The following STMN2 variants were observed in gnomAD, a reference collection of about 807,000 sequenced individuals.
STMN2 encodes the protein stathmin-2.
STMN2 carries 2 observed loss-of-function variants against 24.1 expected under a neutral mutation model. The observed-to-expected ratio is 0.08, with a 90% CI of 0.03 to 0.26. STMN2 has a LOEUF of 0.26. STMN2 is among the 10% of genes least tolerant of loss of function. The pLI is 1.00. For synonymous variants in STMN2, 83 were observed against 77.5 expected, an observed-to-expected ratio of 1.07 and a Z score of -0.37; for missense variants, 114 against 213.6, an observed-to-expected ratio of 0.53 and a Z score of 2.91.
chr8:79,615,464 G>C (rs1291210957), intron 1 of STMN2, among the ~76,000 whole-genome samples: 1 of 152,120 alleles, frequency 6.6e-6, no homozygotes, highest in Admixed American at 6.5e-5. Flanking sequence ...GTTGTCACAA[G>C]ATCTGTGACC....
chr8:79,662,523 C>A (rs549478544), intron 4 of STMN2, among the ~76,000 whole-genome samples: 1 of 152,024 alleles, frequency 6.6e-6, no homozygotes, highest in Non-Finnish European at 1.5e-5. Context: ...TATAAAGTCA[C>A]ATTAACAGTT....
intron 3 of STMN2, among the ~76,000 whole-genome samples, chr8:79,650,758 C>T (rs998780724): frequency 3.3e-5 from 5 of 152,040 alleles, no homozygotes; most frequent in Non-Finnish European, 7.4e-5. Context: ...TGGTTATTAG[C>T]GCCCCTGAAT....
intron 1 of STMN2, among the ~76,000 whole-genome samples, chr8:79,636,515 T>G (rs879262104): frequency 6.6e-6 from 1 of 152,186 alleles, no homozygotes; most frequent in South Asian, 2.1e-4. Context: ...CCTCCTATCC[T>G]GCTAGATCTT....
intron 3 of STMN2, 142 bp from the exon 4 acceptor site, chr8:79,654,729 C>A (rs542410740): frequency 6.2e-5 from 55 of 885,790 alleles, no homozygotes; most frequent in East Asian, 8.0e-5. Flanking sequence ...CTAAGCCATG[C>A]AGATGAGTAC....
chr8:79,632,818 C>T (rs2130337871), intron 1 of STMN2, among the ~76,000 whole-genome samples: 1 of 152,258 alleles, frequency 6.6e-6, no homozygotes, highest in South Asian at 2.1e-4. Flanking sequence ...TATGATACTG[C>T]ACTATCAATT....
At chr8:79,636,751 A>G (rs1267787541) in intron 1 of STMN2, 51 bp from the exon 2 acceptor site, 1 of 1,528,250 alleles carries the variant, frequency 6.5e-7, no homozygotes, top group Non-Finnish European at 9.0e-7. Context: ...GAAGCAGTAA[A>G]GAGAAATTCA....
intron 1 of STMN2, among the ~76,000 whole-genome samples, chr8:79,612,376 C>G (rs757611531): frequency 5.9e-5 from 9 of 152,114 alleles, no homozygotes; most frequent in Non-Finnish European, 8.8e-5. Context: ...TGATCGTTTG[C>G]GGGAAAAGCT....
chr8:79,626,966 C>T (rs1779064958), intron 1 of STMN2, among the ~76,000 whole-genome samples: 2 of 152,046 alleles, frequency 1.3e-5, no homozygotes, highest in Admixed American at 1.3e-4. Context: ...TGAAGGAAAC[C>T]ATTAAGTTTG....
At chr8:79,659,946 C>T (rs1806467873) in intron 4 of STMN2, among the ~76,000 whole-genome samples, 1 of 152,182 alleles carries the variant, frequency 6.6e-6, no homozygotes, top group Non-Finnish European at 1.5e-5. Context: ...AAATACTTCA[C>T]TTTCTCACGT....
Position 79,636,870 on chromosome 8 carries a change from C to G in STMN2, c.88C>G (p.Arg30Gly). The G allele has an allele frequency of 6.2e-7, 1 of 1,613,802 alleles. No individual in the cohort carries two copies. The highest frequency in any genetic ancestry group is 8.5e-7 in the Non-Finnish European group (1 of 1,179,766). ...CTGCTCTTGCTTTTACCCGGAACCTCGCAACATCAACATCTATACTTACGA... is the reference window on the plus strand; with the variant it reads ...CTGCTCTTGCTTTTACCCGGAACCTGGCAACATCAACATCTATACTTACGA... ...LICSCFYPEPRNINIYTYDDM... is the reference protein window; with the variant it reads ...LICSCFYPEPGNINIYTYDDM... The change falls in exon 2 of 5, where the codon CGC becomes GGC. Residue 30 changes from arginine (R) to glycine (G), a missense_variant. Coordinates refer to ENST00000220876, the MANE Select transcript of STMN2 (RefSeq NM_007029.4).
chr8:79,620,726 GA>G (rs1209557884), intron 1 of STMN2, among the ~76,000 whole-genome samples: 1 of 152,026 alleles, frequency 6.6e-6, no homozygotes, highest in Non-Finnish European at 1.5e-5. Flanking sequence ...CCAAAAGGCT[GA>G]AAAATTTAAA....
In STMN2 at chr8:79,636,729, T is replaced by C. The variant is rs368856350; in HGVS notation, c.20-73T>C. 2.9e-6 allele frequency: 4 copies of C among 1,369,388 alleles called. No individual in the cohort carries two copies. The African/African-American group carries it at 5.8e-5, about 20-fold the overall frequency. The allele number at this position is 1,369,388 out of a possible 1,614,324, so 84.8% of individuals were successfully genotyped here. A position where few individuals can be genotyped will look rare whatever the true frequency, so the allele number is the denominator to read the frequency against. On this transcript the variant is annotated intron_variant, in intron 1 of 4. Coordinates refer to ENST00000220876, the MANE Select transcript of STMN2 (RefSeq NM_007029.4). ...ACTCTGCAGGAGGCAATAATTATTA[T>C]TCAAATTAAAGGAAGCAGTAAAGAG... is the stretch of plus-strand genomic sequence containing the variant.
intron 1 of STMN2, among the ~76,000 whole-genome samples, chr8:79,632,894 C>T (rs189945255): frequency 7.2e-5 from 11 of 152,182 alleles, no homozygotes; most frequent in Middle Eastern, 3.4e-3. Context: ...CCACACAAGC[C>T]GGAAAAAATC....
chr8:79,623,583 TTGA>T (rs927815426), intron 1 of STMN2, among the ~76,000 whole-genome samples: 42 of 152,328 alleles, frequency 2.8e-4, no homozygotes, highest in African/African-American at 9.4e-4. Flanking sequence ...TTAGATACTG[TTGA>T]TGATAATCTG....
At chr8:79,611,293 T>A in intron 1 of STMN2, 79 bp downstream of exon 1, 1 of 1,565,110 alleles carries the variant, frequency 6.4e-7, no homozygotes, top group Non-Finnish European at 8.8e-7. Flanking sequence ...CTAGAAGCAT[T>A]CAGAGATATT....
intron 3 of STMN2, among the ~76,000 whole-genome samples, chr8:79,645,763 G>C (rs143737968): frequency 6.6e-6 from 1 of 152,110 alleles, no homozygotes; most frequent in Admixed American, 6.5e-5. Flanking sequence ...GTTCCTCACT[G>C]TGGGGAGGGG....
chr8:79,611,276 T>C, intron 1 of STMN2, 62 bp downstream of exon 1: 1 of 1,601,630 alleles, frequency 6.2e-7, no homozygotes. Context: ...ACCTCCTCTC[T>C]TGAGCTCTAG....
chr8:79,639,514 T>C (rs1238651397), intron 2 of STMN2, among the ~76,000 whole-genome samples: 3 of 152,230 alleles, frequency 2.0e-5, no homozygotes, highest in East Asian at 1.9e-4. Flanking sequence ...TTTTACTAAA[T>C]TGTGAGTTCT....
intron 1 of STMN2, among the ~76,000 whole-genome samples, chr8:79,618,932 T>TA (rs1809447611): frequency 6.6e-6 from 1 of 152,148 alleles, no homozygotes; most frequent in Non-Finnish European, 1.5e-5. Context: ...ACCTCCAGAG[T>TA]AAAATATTTA....
Sources: gnomAD v4.1 joint callset for allele counts (sites outside exome capture counted in the v4.1 genomes callset) on GRCh38, gnomAD v4.1.1 for gene constraint, MANE v1.5 for transcripts, NCBI Gene and HGNC (gene_info 2026-07-23, HGNC 2026-07-21) for gene names.